The following LAMA1 variants were observed in gnomAD, a reference collection of about 807,000 sequenced individuals.
LAMA1 encodes the protein laminin subunit alpha 1, also known as laminin subunit alpha-1.
A neutral mutation model predicts 348.7 loss-of-function variants in LAMA1; 219 were observed. The ratio of observed to expected loss-of-function variants is 0.63; its 90% confidence interval spans 0.56 to 0.70. The LOEUF (loss-of-function observed/expected upper bound fraction) is 0.70. Ranked by LOEUF, LAMA1 falls within the 30% of genes least tolerant of loss-of-function variation. The pLI is 0.00. For missense variants in LAMA1, 3,744 were observed against 3,888.0 expected (o/e 0.96, Z 0.99); for synonymous variants, 1,487 against 1,491.0 (o/e 1.00, Z 0.06).
chr18:7,004,190 G>C (rs2057821489), intron 29 of LAMA1, among the ~76,000 whole-genome samples: 1 of 152,104 alleles, frequency 6.6e-6, no homozygotes, highest in Admixed American at 6.6e-5. Flanking sequence ...TAGTTGCTAT[G>C]GGAAATTCAC....
intron 12 of LAMA1, 76 bp downstream of exon 12, chr18:7,037,495 TAAAATGC>T: frequency 6.6e-7 from 1 of 1,524,644 alleles, no homozygotes; most frequent in Non-Finnish European, 9.1e-7. Flanking sequence ...TGAGACTACC[TAAAATGC>T]AGGCAGCGCA....
Position 7,034,465 on chromosome 18 carries a change from T to A in LAMA1, c.2051+14A>T, listed in dbSNP as rs674733. 0.4 allele frequency: 638,835 copies of A among 1,602,246 alleles called. 132,665 individuals carry two copies. Among genetic ancestry groups the A allele is most frequent in the African/African-American group, 0.65 (48,922 of 74,742 alleles). ...ACCTTCACCGTAAGTTTTTCCTCCATTTTCAATACATACCTGTAAAGAGCC... is the reference window on the plus strand; with the variant it reads ...ACCTTCACCGTAAGTTTTTCCTCCAATTTCAATACATACCTGTAAAGAGCC... On this transcript the variant is annotated intron_variant, in intron 14 of 62. Transcript: ENST00000389658.
At chr18:7,114,031 C>G (rs893159981) in intron 1 of LAMA1, among the ~76,000 whole-genome samples, 1 of 146,402 alleles carries the variant, frequency 6.8e-6, no homozygotes, top group African/African-American at 2.5e-5. Context: ...GAGCCGAGAT[C>G]GTGCCACTGC....
At chr18:6,955,830 G>A (rs2057574181) in intron 56 of LAMA1, 1 of 367,792 alleles carries the variant, frequency 2.7e-6, no homozygotes, top group Admixed American at 3.7e-5. Flanking sequence ...GGATGCAGCT[G>A]CCGAGACGAG....
chr18:6,976,758 C>T (rs1330140959), intron 44 of LAMA1, among the ~76,000 whole-genome samples: 1 of 151,970 alleles, frequency 6.6e-6, no homozygotes, highest in African/African-American at 2.4e-5. Context: ...AGGTTCACAC[C>T]ACCAAGCCTG....
At chr18:7,067,743 C>T (rs2058128679) in intron 3 of LAMA1, among the ~76,000 whole-genome samples, 1 of 152,154 alleles carries the variant, frequency 6.6e-6, no homozygotes, top group South Asian at 2.1e-4. Context: ...TGTACTATGT[C>T]AGCTCCACAG....
intron 61 of LAMA1, among the ~76,000 whole-genome samples, chr18:6,944,209 T>A (rs1415471793): frequency 6.6e-6 from 1 of 152,136 alleles, no homozygotes; most frequent in East Asian, 1.9e-4. Flanking sequence ...AGAGACAGGG[T>A]TTCACCATGT....
In LAMA1 at chr18:7,117,736, A is replaced by C. The variant is rs1396745699; in HGVS notation, c.-16T>G. The C allele has an allele frequency of 6.3e-7, 1 of 1,594,050 alleles. No homozygotes were observed. The highest frequency in any genetic ancestry group is 1.3e-5 in the African/African-American group (1 of 74,240). ...CCCCGCGCATCTCGCCTCCGCCGCCACTCGGTGGGTCTGGGGAGAAAGCCG... is the reference window on the plus strand; with the variant it reads ...CCCCGCGCATCTCGCCTCCGCCGCCCCTCGGTGGGTCTGGGGAGAAAGCCG... On this transcript the variant is annotated 5_prime_UTR_variant, in exon 1 of 63. Coordinates refer to ENST00000389658, the MANE Select transcript of LAMA1 (RefSeq NM_005559.4).
chr18:6,943,545 C>A, intron 61 of LAMA1, 143 bp from the exon 62 acceptor site: 2 of 746,998 alleles, frequency 2.7e-6, no homozygotes, highest in Non-Finnish European at 4.6e-6. Context: ...TGAAAAGTAA[C>A]CTTTTAAAGG....
chr18:7,011,171 T>A (rs2057857981), intron 25 of LAMA1, 129 bp downstream of exon 25: 4 of 1,023,822 alleles, frequency 3.9e-6, no homozygotes, highest in Non-Finnish European at 5.9e-6. Context: ...ACTTCTCTGA[T>A]CCCACTTAAA....
At chr18:7,082,109 G>C (rs1189432409) in intron 1 of LAMA1, among the ~76,000 whole-genome samples, 1 of 151,856 alleles carries the variant, frequency 6.6e-6, no homozygotes, top group Non-Finnish European at 1.5e-5. Flanking sequence ...AAATACATTA[G>C]GTAGTCTTTC....
intron 36 of LAMA1, 101 bp from the exon 37 acceptor site, chr18:6,986,448 C>A (rs1467697513): frequency 2.0e-5 from 21 of 1,052,224 alleles, no homozygotes; most frequent in Non-Finnish European, 2.9e-5. Flanking sequence ...TGCCTAGTCT[C>A]TTTTTGAAAT....
At chr18:6,964,941 C>G (rs2057625784) in intron 50 of LAMA1, 138 bp from the exon 51 acceptor site, 2 of 1,004,678 alleles carry the variant, frequency 2.0e-6, no homozygotes, top group Admixed American at 4.1e-5. Context: ...AGCTAATGTT[C>G]TTGGCTATTG....
At chr18:7,000,827 T>C (rs1297666839) in intron 30 of LAMA1, among the ~76,000 whole-genome samples, 1 of 152,208 alleles carries the variant, frequency 6.6e-6, no homozygotes, top group Non-Finnish European at 1.5e-5. Flanking sequence ...CCGACTCTTT[T>C]TCCTCCTTAA....
chr18:7,084,381 T>A (rs1012483446), intron 1 of LAMA1, among the ~76,000 whole-genome samples: 6 of 152,136 alleles, frequency 3.9e-5, no homozygotes, highest in Non-Finnish European at 5.9e-5. Context: ...GTTTTACACA[T>A]AAAAATCAAG....
At position 7,003,340 on chromosome 18, in the gene LAMA1, T is replaced by A. The variant is rs961951788; in HGVS notation, c.4261-955A>T. 2.3e-3 allele frequency among the ~76,000 whole-genome samples: 352 copies of A among 151,072 alleles called. 3 individuals are homozygous for A. The highest frequency in any genetic ancestry group is 8.1e-3 in the African/African-American group (333 of 41,128). The stretch of plus-strand genomic sequence containing the variant: ...ATCTCGGCTCACTGTGAGCTCCACC[T>A]CCCGGGTTCACGCCATTCTCCTGCC... On this transcript the variant is annotated intron_variant, in intron 29 of 62. Coordinates refer to ENST00000389658, the MANE Select transcript of LAMA1 (RefSeq NM_005559.4).
chr18:7,043,465 CTCTT>C (rs1385855089), intron 7 of LAMA1, 60 bp from the exon 8 acceptor site: 12 of 1,349,940 alleles, frequency 8.9e-6, no homozygotes, highest in African/African-American at 1.4e-5. Flanking sequence ...ACAAAGAAAA[CTCTT>C]AACCTCCCTA....
chr18:7,044,689 C>G (rs1235065402), intron 7 of LAMA1, 33 bp downstream of exon 7: 2 of 1,531,270 alleles, frequency 1.3e-6, no homozygotes, highest in African/African-American at 2.7e-5. Flanking sequence ...AAGAGGAAAA[C>G]TGTACTGACC....
chr18:7,055,952 C>T (rs1375459409), intron 3 of LAMA1, among the ~76,000 whole-genome samples: 3 of 151,840 alleles, frequency 2.0e-5, no homozygotes, highest in Admixed American at 6.6e-5. Context: ...TGGTGGCGGA[C>T]GCCTGTAGTC....
Sources: allele counts gnomAD v4.1 joint callset (sites outside exome capture counted in the v4.1 genomes callset), GRCh38; gene constraint gnomAD v4.1.1; transcripts MANE v1.5; gene names NCBI Gene and HGNC (gene_info 2026-07-23, HGNC 2026-07-21).